Variants in IL7R observed in about 807,000 individuals in gnomAD.
IL7R encodes the protein interleukin-7 receptor subunit alpha.
In IL7R, 38 loss-of-function variants were observed where a neutral mutation model predicts 47.0. That is an observed-to-expected ratio of 0.81 (90% CI 0.62 to 1.06). The LOEUF (loss-of-function observed/expected upper bound fraction) is 1.06, where lower values mean the gene tolerates loss of function less well. Among genes scored for constraint, IL7R ranks in the 50% least tolerant of loss-of-function variants. The pLI is 0.00. For missense variants in IL7R, 633 were observed against 534.8 expected, an observed-to-expected ratio of 1.18 and a Z score of -1.81; for synonymous variants, 221 against 199.8, an observed-to-expected ratio of 1.11 and a Z score of -0.89.
At position 35,877,913 on chromosome 5, in the gene IL7R, C is replaced by A. The variant is rs1760256464; in HGVS notation, c.*1427C>A. ...TGGCTGTTCACAGAACCACAAAGGG[C>A]AGATGCTGCACAGAAAACTAGAGAA... On this transcript the variant is annotated 3_prime_UTR_variant, in exon 8 of 8. Coordinates refer to ENST00000303115, the MANE Select transcript of IL7R (RefSeq NM_002185.5). 1 of 233,178 alleles carries A rather than the reference C, an allele frequency of 4.3e-6. No homozygotes were observed. 14.4% of individuals were successfully genotyped at this position (233,178 alleles called of 1,614,324 possible). A position where few individuals can be genotyped will look rare whatever the true frequency, so the allele number is the denominator to read the frequency against.
chr5:35,860,488 A>T (rs1300462593), intron 1 of IL7R, among the ~76,000 whole-genome samples: 1 of 152,188 alleles, frequency 6.6e-6, no homozygotes, highest in Non-Finnish European at 1.5e-5. Flanking sequence ...AAATAATATG[A>T]ACAATCAATG....
At position 35,874,548 on chromosome 5, in the gene IL7R, C is replaced by CT; in HGVS notation, c.800+8dup. The stretch of plus-strand genomic sequence containing the variant: ...TGTGTGTTATGGAAAAAAAGGTGAC[C>CT]TTCTTCAACTAATAAAGAGGGTGAT... On this transcript the variant is annotated splice_region_variant and intron_variant, in intron 6 of 7. Transcript: ENST00000303115. 6.3e-7 allele frequency: 1 copy of CT among 1,580,432 alleles called. No homozygotes were observed. Among genetic ancestry groups the CT allele is most frequent in the East Asian group, 2.2e-5 (1 of 44,710 alleles).
chr5:35,858,045 G>A (rs1759702741), intron 1 of IL7R, among the ~76,000 whole-genome samples: 1 of 152,060 alleles, frequency 6.6e-6, no homozygotes, highest in African/African-American at 2.4e-5. Flanking sequence ...CTCACTTTAT[G>A]GGGGATGATT....
At chr5:35,867,976 T>C (rs550846109) in intron 3 of IL7R, among the ~76,000 whole-genome samples, 2 of 152,306 alleles carry the variant, frequency 1.3e-5, no homozygotes, top group Admixed American at 1.3e-4. Flanking sequence ...AGATTTCTAT[T>C]AAGAAATTGA....
At chr5:35,863,169 A>C (rs909632145) in intron 2 of IL7R, among the ~76,000 whole-genome samples, 1 of 152,170 alleles carries the variant, frequency 6.6e-6, no homozygotes, top group African/African-American at 2.4e-5. Flanking sequence ...ATAGCAGTTA[A>C]CAAAAGTAAC....
At chr5:35,866,548 G>C (rs11567732) in intron 2 of IL7R, among the ~76,000 whole-genome samples, 1,971 of 152,094 alleles carry the variant, frequency 0.013, 49 homozygotes, top group African/African-American at 0.045. Context: ...TCTTTGGGGG[G>C]AAGTTTATTG....
rs869312857 is a variant in IL7R, at chr5:35,867,438, CA to C, written c.361del (p.Ile121Ter). The C allele has an allele frequency of 6.2e-7, 1 of 1,612,336 alleles. No homozygotes were observed. The highest frequency in any genetic ancestry group is 8.5e-7 in the Non-Finnish European group (1 of 1,179,314). ...VKVGEKSLTCKKIDLTTIVKP... is the reference protein window; with the variant it reads ...VKVGEKSLTCXKIDLTTIVKP... The stretch of plus-strand genomic sequence containing the variant: ...AGGTTGGAGAAAAGAGTCTAACCTG[CA>C]AAAAAATAGACCTAACCACTATAGG... On this transcript the variant is annotated frameshift_variant, in exon 3 of 8. Coordinates refer to ENST00000303115, the MANE Select transcript of IL7R (RefSeq NM_002185.5). LOFTEE classifies it high-confidence loss of function.
rs901331330 is a variant in IL7R at position 35,877,940 on chromosome 5, G to A, written c.*1454G>A. ...GATGCTGCACAGAAAACTAGAGAAG[G>A]GGTCATAGGTTCATGGTTTTGTTTG... On this transcript the variant is annotated 3_prime_UTR_variant, in exon 8 of 8. Transcript: ENST00000303115. 1 of 233,014 alleles carries A rather than the reference G, an allele frequency of 4.3e-6. No individual in the cohort carries two copies. The highest frequency in any genetic ancestry group is 2.2e-5 in the African/African-American group (1 of 45,292). The allele number at this position is 233,014 out of a possible 1,614,324, so 14.4% of individuals were successfully genotyped here.
chr5:35,866,908 ACT>A (rs1353291646), intron 2 of IL7R, among the ~76,000 whole-genome samples: 1 of 152,000 alleles, frequency 6.6e-6, no homozygotes, highest in African/African-American at 2.4e-5. Context: ...TTTCTTTAAC[ACT>A]TTTTTTAATC....
At chr5:35,875,816 C>T (rs1760191357) in intron 7 of IL7R, 167 bp from the exon 8 acceptor site, 1 of 841,966 alleles carries the variant, frequency 1.2e-6, no homozygotes. Flanking sequence ...CACTTCAAGT[C>T]TTGAAGTGTC....
Position 35,877,153 on chromosome 5 carries a change from C to T in IL7R, c.*667C>T. ...CAAACGTCACTAGTAACAGGGTGTG[C>T]CTAGATAATTTATGATCCAAACTGA... On this transcript the variant is annotated 3_prime_UTR_variant, in exon 8 of 8. Coordinates refer to ENST00000303115, the MANE Select transcript of IL7R (RefSeq NM_002185.5). 1 of 233,386 alleles carries T rather than the reference C, an allele frequency of 4.3e-6. No homozygotes were observed. Among genetic ancestry groups the T allele is most frequent in the Non-Finnish European group, 8.5e-6 (1 of 118,264 alleles). The allele number at this position is 233,386 out of a possible 1,614,324, so 14.5% of individuals were successfully genotyped here.
Position 35,873,691 on chromosome 5 carries a change from G to C in IL7R, c.706+43G>C, listed in dbSNP as rs768333247. 7.6e-6 allele frequency: 12 copies of C among 1,578,102 alleles called. No individual in the cohort carries two copies. The East Asian group carries it at 2.5e-4, about 32-fold the overall frequency. On this transcript the variant is annotated intron_variant, in intron 5 of 7. Coordinates refer to ENST00000303115, the MANE Select transcript of IL7R (RefSeq NM_002185.5). ...AGTTTTTGTTCCCTCAGAGTGCTTT[G>C]CATGTCAAAGTGTGGGAGCAAGTGA...
chr5:35,863,580 C>T (rs749201545), intron 2 of IL7R, among the ~76,000 whole-genome samples: 2 of 152,132 alleles, frequency 1.3e-5, no homozygotes, highest in Admixed American at 6.5e-5. Context: ...AAAATTACAT[C>T]GGTTAATGGA....
chr5:35,859,088 GA>G (rs1759734237), intron 1 of IL7R, among the ~76,000 whole-genome samples: 1 of 152,180 alleles, frequency 6.6e-6, no homozygotes, highest in Non-Finnish European at 1.5e-5. Flanking sequence ...AATATCTACT[GA>G]AAAGCCAGTG....
chr5:35,875,873 TTCTGTGACATTC>T lies in IL7R; in HGVS notation c.877-109_877-98del, dbSNP rs1435154638. ...AGTCCATTGAGGAACATGCTGGCAA[TTCTGTGACATTC>T]CCTGTCAGAAAACTCTATAGACCTA... On this transcript the variant is annotated intron_variant, in intron 7 of 7. Transcript: ENST00000303115. 6 of 1,210,798 alleles carry T rather than the reference TTCTGTGACATTC, an allele frequency of 5.0e-6. No homozygotes were observed. The Admixed American group carries it at 1.1e-4, about 21-fold the overall frequency. The allele number at this position is 1,210,798 out of a possible 1,614,324, so 75.0% of individuals were successfully genotyped here. A position where few individuals can be genotyped will look rare whatever the true frequency, so the allele number is the denominator to read the frequency against.
chr5:35,868,631 G>T (rs1437231756), intron 3 of IL7R, among the ~76,000 whole-genome samples: 1 of 152,092 alleles, frequency 6.6e-6, no homozygotes, highest in Non-Finnish European at 1.5e-5. Flanking sequence ...TGGAGATGAG[G>T]TCCCTATGGA....
chr5:35,872,294 G>A (rs1561423814), intron 4 of IL7R, among the ~76,000 whole-genome samples: 1 of 152,142 alleles, frequency 6.6e-6, no homozygotes, highest in African/African-American at 2.4e-5. Context: ...CGCCTCCCGG[G>A]TTCAAGCAAT....
Position 35,876,692 on chromosome 5 carries a change from C to T in IL7R, c.*206C>T, listed in dbSNP as rs974637886. On this transcript the variant is annotated 3_prime_UTR_variant, in exon 8 of 8. Transcript: ENST00000303115. ...ATGAGTCAAGAGCATCCTGCTTCTA[C>T]CATGTGGATTTGGTCACAAGGTTTA... 6.5e-6 allele frequency: 4 copies of T among 615,002 alleles called. No individual in the cohort carries two copies. The African/African-American group carries it at 7.4e-5, about 11-fold the overall frequency. 38.1% of individuals were successfully genotyped at this position (615,002 alleles called of 1,614,324 possible). A position where few individuals can be genotyped will look rare whatever the true frequency, so the allele number is the denominator to read the frequency against.
At chr5:35,866,845 C>T (rs1427527902) in intron 2 of IL7R, among the ~76,000 whole-genome samples, 1 of 151,992 alleles carries the variant, frequency 6.6e-6, no homozygotes, top group African/African-American at 2.4e-5. Flanking sequence ...CATTACGTTA[C>T]CCATCAAGTA....
Sources: gnomAD v4.1 joint callset for allele counts (sites outside exome capture counted in the v4.1 genomes callset) on GRCh38, gnomAD v4.1.1 for gene constraint, MANE v1.5 for transcripts, NCBI Gene and HGNC (gene_info 2026-07-23, HGNC 2026-07-21) for gene names.